The following EIF4ENIF1 variants were observed in gnomAD, a reference collection of about 807,000 sequenced individuals.
EIF4ENIF1 encodes the protein eukaryotic translation initiation factor 4E nuclear import factor 1, also known as eukaryotic translation initiation factor 4E transporter.
A neutral mutation model predicts 110.5 loss-of-function variants in EIF4ENIF1; 23 were observed. The ratio of observed to expected loss-of-function variants is 0.21; its 90% CI spans 0.15 to 0.29. The LOEUF (loss-of-function observed/expected upper bound fraction) is 0.29, where lower values mean the gene tolerates loss of function less well. Ranked by LOEUF, EIF4ENIF1 falls within the 10% of genes least tolerant of loss-of-function variation. EIF4ENIF1 has a pLI of 1.00. For missense variants in EIF4ENIF1, 1,031 were observed against 1,221.1 expected (o/e 0.84, Z 2.32); for synonymous variants, 440 against 437.0 (o/e 1.01, Z -0.09).
intron 14 of EIF4ENIF1, among the ~76,000 whole-genome samples, chr22:31,445,063 A>T (rs80186700): frequency 0.023 from 3,500 of 152,302 alleles, 122 homozygotes; most frequent in African/African-American, 0.079. Flanking sequence ...ATTGGGTGCG[A>T]TCAAGAAGAA....
chr22:31,489,042 T>A (rs1027766029), intron 1 of EIF4ENIF1: 1 of 254,836 alleles, frequency 3.9e-6, no homozygotes, highest in African/African-American at 2.3e-5. Flanking sequence ...CTGCCACCCA[T>A]GGGGATCTTT....
chr22:31,477,032 C>T (rs934717243), intron 2 of EIF4ENIF1, among the ~76,000 whole-genome samples: 3 of 148,514 alleles, frequency 2.0e-5, no homozygotes, highest in South Asian at 2.1e-4. Context: ...ATTGTCCAGG[C>T]GACTTGGTTG....
intron 6 of EIF4ENIF1, among the ~76,000 whole-genome samples, chr22:31,460,059 G>A (rs966522895): frequency 6.6e-6 from 1 of 152,190 alleles, no homozygotes; most frequent in Non-Finnish European, 1.5e-5. Flanking sequence ...TTTATTGGGT[G>A]CTGCTTTAAT....
At chr22:31,444,562 G>A (rs1569065230) in intron 15 of EIF4ENIF1, 44 bp downstream of exon 15, 3 of 1,585,118 alleles carry the variant, frequency 1.9e-6, no homozygotes, top group South Asian at 2.2e-5. Context: ...CAACCAAACA[G>A]GGAGAAGCCT....
chr22:31,467,090 T>C (rs576485755), intron 4 of EIF4ENIF1, among the ~76,000 whole-genome samples: 16 of 152,216 alleles, frequency 1.1e-4, no homozygotes, highest in Non-Finnish European at 2.4e-4. Context: ...CAATGCAATG[T>C]AACATTCCCA....
At chr22:31,474,354 C>T (rs2146046719) in intron 2 of EIF4ENIF1, among the ~76,000 whole-genome samples, 1 of 152,280 alleles carries the variant, frequency 6.6e-6, no homozygotes, top group African/African-American at 2.4e-5. Flanking sequence ...AGCCACCGTG[C>T]CCGGCTGACT....
At chr22:31,480,612 G>A (rs1220056927) in intron 2 of EIF4ENIF1, among the ~76,000 whole-genome samples, 3 of 151,972 alleles carry the variant, frequency 2.0e-5, no homozygotes, top group Non-Finnish European at 2.9e-5. Flanking sequence ...AAAATTAGCC[G>A]GGCATGGTGG....
chr22:31,453,119 A>G (rs1034786990), intron 10 of EIF4ENIF1, among the ~76,000 whole-genome samples: 2 of 152,194 alleles, frequency 1.3e-5, no homozygotes, highest in African/African-American at 2.4e-5. Context: ...TTTATTATTC[A>G]TATCTACCCT....
chr22:31,441,397 G>A (rs902340357), intron 17 of EIF4ENIF1, among the ~76,000 whole-genome samples: 2 of 151,296 alleles, frequency 1.3e-5, no homozygotes, highest in East Asian at 1.9e-4. Flanking sequence ...TAAATTATCC[G>A]GGTGTGGCGG....
rs2051254018 is a variant in EIF4ENIF1, at chr22:31,468,202, G to A, written c.271C>T (p.Arg91Trp). Residue 91 changes from arginine (R) to tryptophan (W), a missense_variant, in exon 4 of 19, where the codon CGG becomes TGG. Around this residue, in one of 3 missense-constraint regions of EIF4ENIF1, gnomAD observed 704 missense variants for 879.7 expected, o/e 0.80. Coordinates refer to ENST00000330125, the MANE Select transcript of EIF4ENIF1 (RefSeq NM_019843.4). ...ESLKKELDTD[R>W]PSLVRRIVDP... ...ACTATCCTGCGCACCAGGGAAGGCC[G>A]GTCTGTATCCAACTCTTTCTTCAGA... 8.7e-6 allele frequency: 14 copies of A among 1,614,076 alleles called. No homozygotes were observed. Among genetic ancestry groups the A allele is most frequent in the Admixed American group, 1.7e-5 (1 of 59,992 alleles).
At chr22:31,454,556 A>G (rs1393700466) in intron 9 of EIF4ENIF1, 180 bp from the exon 10 acceptor site, 1 of 609,906 alleles carries the variant, frequency 1.6e-6, no homozygotes, top group African/African-American at 1.9e-5. Flanking sequence ...GTACTAAGAG[A>G]TGGCATAAAC....
intron 2 of EIF4ENIF1, among the ~76,000 whole-genome samples, chr22:31,483,738 G>A (rs541676054): frequency 1.3e-5 from 2 of 152,136 alleles, no homozygotes; most frequent in South Asian, 4.2e-4. Context: ...ATAACTTTCA[G>A]GTGAGACCCC....
At chr22:31,443,154 C>A in intron 15 of EIF4ENIF1, 60 bp from the exon 16 acceptor site, 1 of 1,589,184 alleles carries the variant, frequency 6.3e-7, no homozygotes, top group Non-Finnish European at 8.5e-7. Flanking sequence ...TAATACTAAG[C>A]CAGGATTAAC....
In EIF4ENIF1 at chr22:31,455,857, A is replaced by T. The variant is rs374521433; in HGVS notation, c.1094T>A (p.Leu365His). Residue 365 changes from leucine to histidine, a missense_variant, in exon 8 of 19, where the codon CTT becomes CAT. Coordinates refer to ENST00000330125, the MANE Select transcript of EIF4ENIF1 (RefSeq NM_019843.4). ...GSTPHEELER[L>H]AGLEQAILSP... is the part of the protein sequence containing the mutation. Reference sequence around the variant, plus strand: ...AGAATCTGAAGCCATTTTACCTGCAAGTCTCTCTAGCTCTTCATGTGGTGT... The same window carrying T: ...AGAATCTGAAGCCATTTTACCTGCATGTCTCTCTAGCTCTTCATGTGGTGT... The T allele has an allele frequency of 3.7e-6, 6 of 1,613,878 alleles. No individual in the cohort carries two copies. Among genetic ancestry groups the T allele is most frequent in the Non-Finnish European group, 5.1e-6 (6 of 1,179,970 alleles).
chr22:31,454,392 C>CGT lies in EIF4ENIF1; in HGVS notation c.1280-18_1280-17dup. ...CCTGAATGTGCTGAGAAGTTGAGAA[C>CGT]GTCCAGGTTAAATCAAGCAAAGAGA... On this transcript the variant is annotated splice_polypyrimidine_tract_variant and intron_variant, in intron 9 of 18. Transcript: ENST00000330125. 6.2e-7 allele frequency: 1 copy of CGT among 1,608,792 alleles called. No homozygotes were observed. The highest frequency in any genetic ancestry group is 8.5e-7 in the Non-Finnish European group (1 of 1,175,702).
At chr22:31,488,111 G>A (rs1488777279) in intron 2 of EIF4ENIF1, among the ~76,000 whole-genome samples, 3 of 152,118 alleles carry the variant, frequency 2.0e-5, no homozygotes, top group African/African-American at 7.2e-5. Flanking sequence ...TTAGCTAGGG[G>A]AAATATGACT....
chr22:31,481,054 C>A (rs150217028), intron 2 of EIF4ENIF1, among the ~76,000 whole-genome samples: 1 of 152,098 alleles, frequency 6.6e-6, no homozygotes, highest in African/African-American at 2.4e-5. Flanking sequence ...AAAAAAGGAA[C>A]GGGTAGGAAA....
chr22:31,464,675 C>CAAAAAAAAAAAAAAAAA (rs770904708), intron 4 of EIF4ENIF1, among the ~76,000 whole-genome samples: 3 of 30,914 alleles, frequency 9.7e-5, no homozygotes, highest in Non-Finnish European at 1.5e-4. Flanking sequence ...GATTCAGTCT[C>CAAAAAAAAAAAAAAAAA]AAAAAAAAAA....
intron 13 of EIF4ENIF1, 114 bp from the exon 14 acceptor site, chr22:31,447,679 T>C (rs763536546): frequency 1.7e-6 from 2 of 1,180,054 alleles, no homozygotes; most frequent in Admixed American, 3.1e-5. Flanking sequence ...AAAAATTAGA[T>C]ACTGCGAAAC....
Sources: allele counts gnomAD v4.1 joint callset (sites outside exome capture counted in the v4.1 genomes callset), GRCh38; gene constraint gnomAD v4.1.1; regional missense constraint gnomAD v4.1.1; transcripts MANE v1.5; gene names NCBI Gene and HGNC (gene_info 2026-07-23, HGNC 2026-07-21).